Variants in DTWD1 observed in about 807,000 individuals in gnomAD.
DTWD1 encodes the protein DTW motif tRNA-uridine aminocarboxypropyltransferase 1.
In DTWD1, 27 loss-of-function variants were observed where a neutral mutation model predicts 30.2. The ratio of observed to expected loss-of-function variants is 0.90; its 90% CI spans 0.66 to 1.23. DTWD1 has a LOEUF of 1.23. Among genes scored for constraint, DTWD1 ranks in the 50% most tolerant of loss-of-function variants. The probability of loss-of-function intolerance (pLI) is 0.00; values close to 1 mark genes in which losing one functional copy is unlikely to be tolerated. For missense variants in DTWD1, 342 were observed against 348.8 expected, an observed-to-expected ratio of 0.98 and a Z score of 0.15; for synonymous variants, 99 against 113.1, an observed-to-expected ratio of 0.88 and a Z score of 0.79.
chr15:49,636,411 C>G (rs1802456475), intron 4 of DTWD1, among the ~76,000 whole-genome samples: 1 of 151,964 alleles, frequency 6.6e-6, no homozygotes, highest in Non-Finnish European at 1.5e-5. Context: ...ATAATATCAT[C>G]TAATATACTG....
chr15:49,627,334 AC>A (rs1408186558), intron 2 of DTWD1, among the ~76,000 whole-genome samples: 1 of 152,154 alleles, frequency 6.6e-6, no homozygotes, highest in Admixed American at 6.5e-5. Flanking sequence ...TCCAATTTTT[AC>A]TTTATTTTTA....
intron 2 of DTWD1, 31 bp downstream of exon 2, chr15:49,625,462 T>C (rs760699683): frequency 6.3e-7 from 1 of 1,575,478 alleles, no homozygotes; most frequent in Non-Finnish European, 8.6e-7. Context: ...TTTGAAAGTA[T>C]GAAAATAGAT....
At position 49,644,107 on chromosome 15, in the gene DTWD1, C is replaced by T. The variant is rs748212201; in HGVS notation, c.*529C>T. 1.2e-4 allele frequency: 19 copies of T among 152,192 alleles called. No homozygotes were observed. Among genetic ancestry groups the T allele is most frequent in the African/African-American group, 4.3e-4 (18 of 41,444 alleles). The allele number at this position is 152,192 out of a possible 1,614,324, so 9.4% of individuals were successfully genotyped here. ...AGCAGAGACTCTGGAGCTAGACTACCTGAATCTAAATCTCAGCCTTTCTGC... is the reference window on the plus strand; with the variant it reads ...AGCAGAGACTCTGGAGCTAGACTACTTGAATCTAAATCTCAGCCTTTCTGC... On this transcript the variant is annotated 3_prime_UTR_variant, in exon 5 of 5. Coordinates refer to ENST00000403028, the MANE Select transcript of DTWD1 (RefSeq NM_001144955.2).
At chr15:49,628,862 T>C (rs906490910) in intron 2 of DTWD1, among the ~76,000 whole-genome samples, 1 of 152,196 alleles carries the variant, frequency 6.6e-6, no homozygotes, top group African/African-American at 2.4e-5. Context: ...TTTTTAATTA[T>C]ACTTTAAGTT....
chr15:49,622,604 G>A (rs895163537), intron 1 of DTWD1, among the ~76,000 whole-genome samples: 2 of 152,170 alleles, frequency 1.3e-5, no homozygotes, highest in African/African-American at 4.8e-5. Context: ...GACTCAAATT[G>A]TACTTCCTTG....
rs182204158 is a variant in DTWD1, at chr15:49,650,491, G to A, written c.*6913G>A. 43 of 152,226 alleles carry A rather than the reference G, an allele frequency of 2.8e-4. No individual in the cohort carries two copies. In the East Asian group the frequency reaches 7.5e-3, roughly 27 times the overall value. 9.4% of individuals were successfully genotyped at this position (152,226 alleles called of 1,614,324 possible). A position where few individuals can be genotyped will look rare whatever the true frequency, so the allele number is the denominator to read the frequency against. ...ACAAGATCCTGCATGTATTTTTAAG[G>A]TAGAGCCAGTATTTGCAGATAGTTT... On this transcript the variant is annotated 3_prime_UTR_variant, in exon 5 of 5. Transcript: ENST00000403028.
intron 1 of DTWD1, among the ~76,000 whole-genome samples, chr15:49,622,854 G>C (rs899527754): frequency 2.6e-5 from 4 of 152,144 alleles, no homozygotes; most frequent in African/African-American, 9.7e-5. Flanking sequence ...AAGAGGTGGA[G>C]CCATAAACAT....
rs145173818 is a variant in DTWD1 at position 49,650,959 on chromosome 15, G to A, written c.*7381G>A. The A allele has an allele frequency of 8.1e-4, 124 of 152,248 alleles. No homozygotes were observed. Among genetic ancestry groups the A allele is most frequent in the African/African-American group, 3.0e-3 (123 of 41,546 alleles). 9.4% of individuals were successfully genotyped at this position (152,248 alleles called of 1,614,324 possible). On this transcript the variant is annotated 3_prime_UTR_variant, in exon 5 of 5. Coordinates refer to ENST00000403028, the MANE Select transcript of DTWD1 (RefSeq NM_001144955.2). ...GAGAATCCCATCACATGTGGCACAT[G>A]GAACAAAAGCCCATGGCTCAAGGTG...
intron 2 of DTWD1, among the ~76,000 whole-genome samples, chr15:49,627,659 A>G (rs2078861335): frequency 6.6e-6 from 1 of 152,232 alleles, no homozygotes; most frequent in African/African-American, 2.4e-5. Flanking sequence ...TGCATACTGT[A>G]CACAGTTGTA....
intron 1 of DTWD1, among the ~76,000 whole-genome samples, chr15:49,624,743 C>T (rs533451182): frequency 1.3e-5 from 2 of 152,188 alleles, no homozygotes; most frequent in East Asian, 1.9e-4. Flanking sequence ...TTGCCAATTC[C>T]ACTAGAATCT....
At chr15:49,635,228 A>T (rs896776631) in intron 4 of DTWD1, among the ~76,000 whole-genome samples, 1 of 151,636 alleles carries the variant, frequency 6.6e-6, no homozygotes, top group Non-Finnish European at 1.5e-5. Context: ...AGAGACGGGG[A>T]TTCATCATGT....
At chr15:49,633,049 C>CTATCTATATATATATATATA (rs2078947255) in intron 3 of DTWD1, among the ~76,000 whole-genome samples, 1 of 117,316 alleles carries the variant, frequency 8.5e-6, no homozygotes, top group African/African-American at 3.3e-5. Context: ...ATATCTATAT[C>CTATCTATATATATATATATA]TATATATATA....
Position 49,634,659 on chromosome 15 carries a change from C to A in DTWD1, c.532C>A (p.Arg178Ser). 1 of 1,613,554 alleles carries A rather than the reference C, an allele frequency of 6.2e-7. No homozygotes were observed. The highest frequency in any genetic ancestry group is 8.5e-7 in the Non-Finnish European group (1 of 1,179,762). Residue 178 changes from arginine to serine, a missense_variant, in exon 4 of 5, where the codon CGC (arginine) becomes AGC (serine). Physicochemically the swap from Arg to Ser is moderately radical, Grantham distance 110. Transcript: ENST00000403028. ...TGACCCTGACAAGCCATCTTTTAAA[C>A]GCAAAAGAACTGAAGAACAAGAGTT... ...NDDPDKPSFKRKRTEEQEFCD... is the reference protein window; with the variant it reads ...NDDPDKPSFKSKRTEEQEFCD...
rs2079119877 is a variant in DTWD1 at position 49,646,533 on chromosome 15, A to G, written c.*2955A>G. 6.6e-6 allele frequency: 1 copy of G among 152,102 alleles called. No individual in the cohort carries two copies. The highest frequency in any genetic ancestry group is 1.5e-5 in the Non-Finnish European group (1 of 68,032). The allele number at this position is 152,102 out of a possible 1,614,324, so 9.4% of individuals were successfully genotyped here. On this transcript the variant is annotated 3_prime_UTR_variant, in exon 5 of 5. Coordinates refer to ENST00000403028, the MANE Select transcript of DTWD1 (RefSeq NM_001144955.2). ...TGTGCTTTAAAAACCCCATGCCACA[A>G]TGACTGTTAAAAGGGCTAGGCGATG...
At position 49,632,330 on chromosome 15, in the gene DTWD1, C is replaced by T. The variant is rs201902941; in HGVS notation, c.408+28C>T. 5 of 1,560,428 alleles carry T rather than the reference C, an allele frequency of 3.2e-6. No homozygotes were observed. In the East Asian group the frequency reaches 9.3e-5, roughly 29 times the overall value. ...AGGCAACTTAGTTTTTATAACTCTTCACATTGGATATAAAAATGAATTTTA... is the reference window on the plus strand; with the variant it reads ...AGGCAACTTAGTTTTTATAACTCTTTACATTGGATATAAAAATGAATTTTA... On this transcript the variant is annotated intron_variant, in intron 3 of 4. Transcript: ENST00000403028.
intron 1 of DTWD1, among the ~76,000 whole-genome samples, chr15:49,621,534 A>G (rs1332194555): frequency 6.6e-6 from 1 of 152,112 alleles, no homozygotes; most frequent in Non-Finnish European, 1.5e-5. Context: ...AGAATTAGTG[A>G]TGCCATGCAG....
chr15:49,621,997 G>A (rs1047728581), intron 1 of DTWD1, among the ~76,000 whole-genome samples: 3 of 152,208 alleles, frequency 2.0e-5, no homozygotes, highest in Non-Finnish European at 2.9e-5. Context: ...TAATGGAAGA[G>A]GTAGAAGCTT....
At chr15:49,621,801 T>C (rs559328409) in intron 1 of DTWD1, among the ~76,000 whole-genome samples, 1 of 152,082 alleles carries the variant, frequency 6.6e-6, no homozygotes, top group Non-Finnish European at 1.5e-5. Flanking sequence ...TGATCCTATA[T>C]GAAAAAGGGT....
At position 49,654,633 on chromosome 15, in the gene DTWD1, A is replaced by G. The variant is rs2079169158; in HGVS notation, c.*11055A>G. 1 of 151,976 alleles carries G rather than the reference A, an allele frequency of 6.6e-6. No individual in the cohort carries two copies. The highest frequency in any genetic ancestry group is 1.5e-5 in the Non-Finnish European group (1 of 67,980). 9.4% of individuals were successfully genotyped at this position (151,976 alleles called of 1,614,324 possible). On this transcript the variant is annotated 3_prime_UTR_variant, in exon 5 of 5. Coordinates refer to ENST00000403028, the MANE Select transcript of DTWD1 (RefSeq NM_001144955.2). Reference sequence around the variant, plus strand: ...TGCCTTAGTCAGTTTGGGCTAGTATAACAGAAATATCATAGATTGAGTGAC... The same window carrying G: ...TGCCTTAGTCAGTTTGGGCTAGTATGACAGAAATATCATAGATTGAGTGAC...
Sources: allele counts gnomAD v4.1 joint callset (sites outside exome capture counted in the v4.1 genomes callset), GRCh38; gene constraint gnomAD v4.1.1; transcripts MANE v1.5; gene names NCBI Gene and HGNC (gene_info 2026-07-23, HGNC 2026-07-21).